The following ATOX1 variants were observed in gnomAD, a reference collection of about 807,000 sequenced individuals.
The protein encoded by ATOX1 is copper transport protein ATOX1.
In ATOX1, 4 loss-of-function variants were observed where a neutral mutation model predicts 7.3. The ratio of observed to expected loss-of-function variants is 0.55; its 90% CI spans 0.27 to 1.25. The LOEUF is 1.25. ATOX1 is among the 50% of genes most tolerant of loss of function. The probability of loss-of-function intolerance (pLI) is 0.12; values close to 1 mark genes in which losing one functional copy is unlikely to be tolerated. For synonymous variants in ATOX1, 25 were observed against 28.7 expected, an observed-to-expected ratio of 0.87 and a Z score of 0.41; for missense variants, 68 against 81.6, an observed-to-expected ratio of 0.83 and a Z score of 0.64.
chr5:151,750,561 T>A (rs532415502), intron 2 of ATOX1, among the ~76,000 whole-genome samples: 2 of 142,116 alleles, frequency 1.4e-5, no homozygotes, highest in Admixed American at 6.9e-5. Context: ...TTAATTTAAA[T>A]TTTTTTTTTT....
At chr5:151,750,644 CTT>C (rs34586233) in intron 2 of ATOX1, among the ~76,000 whole-genome samples, 6 of 100,316 alleles carry the variant, frequency 6.0e-5, no homozygotes, top group Admixed American at 2.3e-4. Context: ...TTTTTTCTTT[CTT>C]TTTTTTTTTT....
intron 2 of ATOX1, among the ~76,000 whole-genome samples, chr5:151,747,317 A>G (rs1047251025): frequency 6.6e-6 from 1 of 151,996 alleles, no homozygotes; most frequent in African/African-American, 2.4e-5. Context: ...ACAGGGTCTC[A>G]CTGTGTTATA....
At chr5:151,751,854 C>A in intron 1 of ATOX1, 75 bp from the exon 2 acceptor site, 1 of 1,451,714 alleles carries the variant, frequency 6.9e-7, no homozygotes, top group Non-Finnish European at 9.5e-7. Context: ...GACAGGCCCA[C>A]TCAGGGTCAA....
Position 151,742,836 on chromosome 5 carries a change from C to G in ATOX1, c.*170G>C, listed in dbSNP as rs986834556. ...AAGACAACATCTCCAACAAAAGCAG[C>G]TTGATTTTATTGCAGGGAAGCTAGG... is the stretch of plus-strand genomic sequence containing the variant. On this transcript the variant is annotated 3_prime_UTR_variant, in exon 4 of 4. Coordinates refer to ENST00000313115, the MANE Select transcript of ATOX1 (RefSeq NM_004045.4). 2.0e-5 allele frequency: 3 copies of G among 152,302 alleles called. No homozygotes were observed. The highest frequency in any genetic ancestry group is 7.2e-5 in the African/African-American group (3 of 41,460). 9.4% of individuals were successfully genotyped at this position (152,302 alleles called of 1,614,324 possible).
intron 1 of ATOX1, among the ~76,000 whole-genome samples, chr5:151,755,851 G>A (rs954170699): frequency 6.6e-6 from 1 of 151,968 alleles, no homozygotes; most frequent in African/African-American, 2.4e-5. Flanking sequence ...TGGCCTCTGG[G>A]GTCTTTTATA....
chr5:151,754,633 T>C (rs1761989656), intron 1 of ATOX1, among the ~76,000 whole-genome samples: 2 of 152,108 alleles, frequency 1.3e-5, no homozygotes, highest in Middle Eastern at 3.4e-3. Flanking sequence ...GATGATGCTC[T>C]GGAACATGGA....
chr5:151,746,386 T>C lies in ATOX1; in HGVS notation c.146A>G (p.Asp49Gly), dbSNP rs764174680. The part of the protein sequence containing the change: ...KVCIESEHSM[D>G]TLLATLKKTG... ...TTTCTTCAGGGTTGCAAGCAGAGTG[T>C]CCATGCTGTGCTCAGATTCAATGCA... The change falls in exon 3 of 4, where the codon GAC (aspartate) becomes GGC (glycine). Residue 49 changes from aspartate to glycine, a missense_variant. By Grantham distance (94) the Asp-to-Gly change is moderately conservative (BLOSUM62 -1). Transcript: ENST00000313115. 1.9e-6 allele frequency: 3 copies of C among 1,613,974 alleles called. No individual in the cohort carries two copies. Among genetic ancestry groups the C allele is most frequent in the Admixed American group, 1.7e-5 (1 of 60,016 alleles).
intron 1 of ATOX1, among the ~76,000 whole-genome samples, chr5:151,756,973 C>A (rs1423541181): frequency 6.6e-6 from 1 of 152,180 alleles, no homozygotes; most frequent in Non-Finnish European, 1.5e-5. Context: ...AAGCAACTTG[C>A]CTGAGGTCAC....
At chr5:151,755,916 A>T (rs1762008529) in intron 1 of ATOX1, among the ~76,000 whole-genome samples, 1 of 151,566 alleles carries the variant, frequency 6.6e-6, no homozygotes, top group Admixed American at 6.6e-5. Flanking sequence ...GTAGGTTTTT[A>T]AAGTCAGTAA....
At chr5:151,756,522 G>T (rs1449534576) in intron 1 of ATOX1, among the ~76,000 whole-genome samples, 1 of 148,750 alleles carries the variant, frequency 6.7e-6, no homozygotes, top group Non-Finnish European at 1.5e-5. Context: ...ACCCAAGCTG[G>T]AATGCAGTGG....
intron 1 of ATOX1, 121 bp downstream of exon 1, chr5:151,758,425 A>C: frequency 7.4e-7 from 1 of 1,346,126 alleles, no homozygotes; most frequent in Non-Finnish European, 9.6e-7. Flanking sequence ...AAGCTAGGGG[A>C]CAACAGCGGC....
intron 2 of ATOX1, chr5:151,746,702 G>A (rs558393410): frequency 7.7e-6 from 3 of 388,188 alleles, no homozygotes; most frequent in South Asian, 4.9e-5. Flanking sequence ...AACAGGCTGT[G>A]AGCAGGATTT....
chr5:151,746,006 C>T (rs28917210), intron 3 of ATOX1: 5,810 of 266,128 alleles, frequency 0.022, 96 homozygotes, highest in Middle Eastern at 0.032. Context: ...ACCCTGCTAA[C>T]CATGAACTGC....
intron 1 of ATOX1, among the ~76,000 whole-genome samples, chr5:151,754,644 T>G (rs769531927): frequency 1.3e-5 from 2 of 151,934 alleles, no homozygotes; most frequent in Admixed American, 1.3e-4. Flanking sequence ...GGAACATGGA[T>G]TGGCACACTA....
rs1439707800 is a variant in ATOX1, at chr5:151,745,976, G to A, written c.*46+303C>T. On this transcript the variant is annotated intron_variant, in intron 3 of 3. Coordinates refer to ENST00000313115, the MANE Select transcript of ATOX1 (RefSeq NM_004045.4). ...AGAAGTCAAAGGTGCACTGCTTAGG[G>A]TCACATACTGTAAACTTAAACCCTG... 1.7e-5 allele frequency: 4 copies of A among 238,480 alleles called. No homozygotes were observed. The East Asian group carries it at 4.2e-4, about 25-fold the overall frequency. 14.8% of individuals were successfully genotyped at this position (238,480 alleles called of 1,614,324 possible). A position where few individuals can be genotyped will look rare whatever the true frequency, so the allele number is the denominator to read the frequency against.
chr5:151,751,389 T>C (rs141904193), intron 2 of ATOX1, among the ~76,000 whole-genome samples: 2 of 152,222 alleles, frequency 1.3e-5, no homozygotes, highest in African/African-American at 4.8e-5. Context: ...TACTAGTTAA[T>C]TTGGCTAAAT....
At chr5:151,747,482 C>T (rs1169759209) in intron 2 of ATOX1, among the ~76,000 whole-genome samples, 3 of 151,638 alleles carry the variant, frequency 2.0e-5, no homozygotes, top group Non-Finnish European at 2.9e-5. Context: ...GACAGGGTTT[C>T]GCATATTGCC....
intron 2 of ATOX1, among the ~76,000 whole-genome samples, chr5:151,750,210 C>T (rs1468378012): frequency 1.3e-5 from 2 of 152,198 alleles, no homozygotes; most frequent in Non-Finnish European, 2.9e-5. Flanking sequence ...GTTTCCCCAG[C>T]TGTAAAATGA....
intron 2 of ATOX1, among the ~76,000 whole-genome samples, chr5:151,746,795 A>G (rs909669057): frequency 1.3e-5 from 2 of 152,076 alleles, no homozygotes; most frequent in Non-Finnish European, 2.9e-5. Flanking sequence ...GTGCAGTGGC[A>G]TGATCTCAGC....
Sources: gnomAD v4.1 joint callset for allele counts (sites outside exome capture counted in the v4.1 genomes callset) on GRCh38, gnomAD v4.1.1 for gene constraint, MANE v1.5 for transcripts, NCBI Gene and HGNC (gene_info 2026-07-23, HGNC 2026-07-21) for gene names.